The following LSAMP variants were observed in gnomAD, a reference collection of about 807,000 sequenced individuals.
The protein encoded by LSAMP is limbic system associated membrane protein.
A neutral mutation model predicts 38.6 loss-of-function variants in LSAMP; 7 were observed. That is an observed-to-expected ratio of 0.18 (90% CI 0.10 to 0.34). The LOEUF (loss-of-function observed/expected upper bound fraction) is 0.34. Among genes scored for constraint, LSAMP ranks in the 10% least tolerant of loss-of-function variants. The probability of loss-of-function intolerance (pLI) is 1.00; values close to 1 mark genes in which losing one functional copy is unlikely to be tolerated. For missense variants in LSAMP, 313 were observed against 420.0 expected (o/e 0.75, Z 2.23); for synonymous variants, 154 against 166.8 (o/e 0.92, Z 0.59).
chr3:116,014,679 C>G (rs895669823), intron 3 of LSAMP, among the ~76,000 whole-genome samples: 13 of 152,148 alleles, frequency 8.5e-5, no homozygotes, highest in African/African-American at 2.7e-4. Flanking sequence ...AAGAAAGCCC[C>G]AGAGAAATAA....
intron 1 of LSAMP, among the ~76,000 whole-genome samples, chr3:116,253,603 C>T (rs1354228789): frequency 3.3e-5 from 5 of 152,180 alleles, no homozygotes; most frequent in Admixed American, 6.6e-5. Flanking sequence ...GTTCACGTAG[C>T]TGGAGCTAGG....
chr3:115,889,803 T>C lies in LSAMP; in HGVS notation c.515-37186A>G, dbSNP rs559406252. Among the ~76,000 whole-genome samples, 135 of 152,094 alleles carry C rather than the reference T, an allele frequency of 8.9e-4. 1 individual carries two copies. Among genetic ancestry groups the C allele is most frequent in the Non-Finnish European group, 1.8e-3 (122 of 67,920 alleles). ...CAAGGCTAGGACATAGTCCTAAAAA[T>C]TGAGCACCGCAAAACGAATCCTGTC... is the stretch of plus-strand genomic sequence containing the variant. On this transcript the variant is annotated intron_variant, in intron 3 of 6. Transcript: ENST00000490035.
intron 3 of LSAMP, among the ~76,000 whole-genome samples, chr3:115,984,134 C>A (rs1403021517): frequency 6.6e-6 from 1 of 151,864 alleles, no homozygotes; most frequent in Non-Finnish European, 1.5e-5. Context: ...AGCTTAGAAT[C>A]AAGCTGGGTA....
intron 1 of LSAMP, among the ~76,000 whole-genome samples, chr3:116,189,488 C>T (rs1407000412): frequency 6.6e-6 from 1 of 152,104 alleles, no homozygotes; most frequent in Admixed American, 6.6e-5. Flanking sequence ...ACAGAAAAAG[C>T]CCATTTATTT....
chr3:116,018,444 G>T (rs1030394741), intron 3 of LSAMP, among the ~76,000 whole-genome samples: 8 of 152,032 alleles, frequency 5.3e-5, no homozygotes, highest in Non-Finnish European at 8.8e-5. Context: ...TATTTTTATG[G>T]TGTTCATTTT....
intron 1 of LSAMP, among the ~76,000 whole-genome samples, chr3:116,319,216 T>C (rs1432306040): frequency 1.3e-5 from 2 of 152,232 alleles, no homozygotes; most frequent in African/African-American, 4.8e-5. Context: ...TTTACTATGC[T>C]TCCTTTCCTC....
chr3:116,126,917 T>C lies in LSAMP; in HGVS notation c.156-40361A>G, dbSNP rs566578116. 2.6e-5 allele frequency among the ~76,000 whole-genome samples: 4 copies of C among 152,328 alleles called. No homozygotes were observed. The South Asian group carries it at 6.2e-4, about 24-fold the overall frequency. The stretch of plus-strand genomic sequence containing the variant: ...TAGGGAGATGAGGAAATTATGTTAA[T>C]AAATTCTAGTACTTGCACATGCTAT... On this transcript the variant is annotated intron_variant, in intron 1 of 6. Transcript: ENST00000490035.
chr3:116,168,940 C>G (rs1365314597), intron 1 of LSAMP, among the ~76,000 whole-genome samples: 2 of 152,156 alleles, frequency 1.3e-5, no homozygotes, highest in Non-Finnish European at 2.9e-5. Flanking sequence ...TAGGCACATG[C>G]CTGTAATACC....
At chr3:116,161,502 C>G (rs886283712) in intron 1 of LSAMP, among the ~76,000 whole-genome samples, 1 of 152,154 alleles carries the variant, frequency 6.6e-6, no homozygotes, top group African/African-American at 2.4e-5. Context: ...GCAGCCTCAC[C>G]TGTTAGCTCT....
At chr3:116,257,085 C>G (rs1005696467) in intron 1 of LSAMP, among the ~76,000 whole-genome samples, 6 of 152,086 alleles carry the variant, frequency 3.9e-5, no homozygotes, top group Non-Finnish European at 7.4e-5. Flanking sequence ...GGTACACACT[C>G]CTCTGTGGCT....
At chr3:116,109,167 C>G (rs940919018) in intron 1 of LSAMP, among the ~76,000 whole-genome samples, 12 of 151,912 alleles carry the variant, frequency 7.9e-5, no homozygotes, top group East Asian at 1.9e-4. Context: ...TTGGGATAAA[C>G]AAAAAGGAGC....
chr3:115,810,279 T>G lies in LSAMP; in HGVS notation c.*38A>C. The G allele has an allele frequency of 7.3e-7, 1 of 1,365,024 alleles. No homozygotes were observed. Among genetic ancestry groups the G allele is most frequent in the Non-Finnish European group, 1.0e-6 (1 of 981,776 alleles). 84.6% of individuals were successfully genotyped at this position (1,365,024 alleles called of 1,614,324 possible). ...TCTCTGTATTCTGTGTGACGCATTTTTGTGTGTTTTTTAAATTATTTTTAA... is the reference window on the plus strand; with the variant it reads ...TCTCTGTATTCTGTGTGACGCATTTGTGTGTGTTTTTTAAATTATTTTTAA... On this transcript the variant is annotated 3_prime_UTR_variant, in exon 7 of 7. Transcript: ENST00000490035.
chr3:116,081,788 T>C (rs972558114), intron 2 of LSAMP, among the ~76,000 whole-genome samples: 2 of 152,208 alleles, frequency 1.3e-5, no homozygotes, highest in Non-Finnish European at 2.9e-5. Context: ...TTCTATTTAG[T>C]ACGATAGTGA....
intron 1 of LSAMP, among the ~76,000 whole-genome samples, chr3:116,203,021 A>C (rs748615990): frequency 5.3e-5 from 8 of 152,210 alleles, no homozygotes; most frequent in Non-Finnish European, 8.8e-5. Context: ...ACTATTTTAG[A>C]GGTTCTAAGA....
At chr3:116,043,631 A>T (rs1034156364) in intron 2 of LSAMP, among the ~76,000 whole-genome samples, 3 of 152,146 alleles carry the variant, frequency 2.0e-5, no homozygotes, top group African/African-American at 7.2e-5. Flanking sequence ...GTGCAAATGG[A>T]TCTATATGAA....
intron 2 of LSAMP, among the ~76,000 whole-genome samples, chr3:116,022,983 C>G (rs1940679700): frequency 6.6e-6 from 1 of 152,146 alleles, no homozygotes; most frequent in Non-Finnish European, 1.5e-5. Context: ...AGCAAAGCAT[C>G]TCCCTTGACT....
intron 1 of LSAMP, among the ~76,000 whole-genome samples, chr3:116,191,873 AG>A (rs564714303): frequency 1.5e-3 from 234 of 152,204 alleles, no homozygotes; most frequent in African/African-American, 5.2e-3. Flanking sequence ...TCCATATCCA[AG>A]CATCAGATTT....
At chr3:115,833,787 C>T (rs1424886993) in intron 6 of LSAMP, among the ~76,000 whole-genome samples, 1 of 151,974 alleles carries the variant, frequency 6.6e-6, no homozygotes, top group Non-Finnish European at 1.5e-5. Flanking sequence ...AGTCTATTTG[C>T]AAATCACTTT....
intron 1 of LSAMP, among the ~76,000 whole-genome samples, chr3:116,213,694 G>A (rs549551249): frequency 6.6e-6 from 1 of 152,296 alleles, no homozygotes; most frequent in East Asian, 1.9e-4. Flanking sequence ...AAGTAATGTG[G>A]TATATATACA....
Sources: allele counts gnomAD v4.1 joint callset (sites outside exome capture counted in the v4.1 genomes callset), GRCh38; gene constraint gnomAD v4.1.1; transcripts MANE v1.5; gene names NCBI Gene and HGNC (gene_info 2026-07-23, HGNC 2026-07-21).